Variants in RTN1 observed in about 807,000 individuals in gnomAD.
RTN1 encodes the protein reticulon-1.
In RTN1, 25 loss-of-function variants were observed where a neutral mutation model predicts 65.5. The observed-to-expected ratio is 0.38, with a 90% CI of 0.28 to 0.53. RTN1 has a LOEUF of 0.53. RTN1 is among the 20% of genes least tolerant of loss of function. RTN1 has a pLI of 0.79. For missense variants in RTN1, 983 were observed against 1,025.4 expected, an observed-to-expected ratio of 0.96 and a Z score of 0.57; for synonymous variants, 471 against 447.6, an observed-to-expected ratio of 1.05 and a Z score of -0.66.
chr14:59,803,486 C>T lies in RTN1; in HGVS notation c.242-57005G>A, dbSNP rs1886583083. 6.6e-6 allele frequency among the ~76,000 whole-genome samples: 1 copy of T among 152,134 alleles called. No homozygotes were observed. Among genetic ancestry groups the T allele is most frequent in the African/African-American group, 2.4e-5 (1 of 41,438 alleles). The stretch of plus-strand genomic sequence containing the variant: ...TTCAGGCCACCCAAATCTACTCTGG[C>T]CTGAATTATTCAAGTTAAATACAAC... On this transcript the variant is annotated intron_variant, in intron 1 of 8. Transcript: ENST00000267484. This position sits in a 1 kb window ranked among gnomAD's most constrained non-coding sequence, Gnocchi z 5.6.
chr14:59,685,320 A>T (rs1355688120), intron 3 of RTN1, among the ~76,000 whole-genome samples: 1 of 152,200 alleles, frequency 6.6e-6, no homozygotes, highest in Admixed American at 6.5e-5. Flanking sequence ...GAGCCAGACC[A>T]ATTAGGAAAA....
At chr14:59,787,373 C>T (rs1194264692) in intron 1 of RTN1, among the ~76,000 whole-genome samples, 3 of 152,158 alleles carry the variant, frequency 2.0e-5, no homozygotes, top group Non-Finnish European at 2.9e-5. Flanking sequence ...ACTCTTTTGT[C>T]AAATGGCTGT....
At chr14:59,630,524 C>A (rs1486892344) in intron 3 of RTN1, 1 of 1,613,132 alleles carries the variant, frequency 6.2e-7, no homozygotes, top group Non-Finnish European at 8.5e-7. Flanking sequence ...GCTTTGGGGG[C>A]TCGCCGTGGC....
Position 59,683,414 on chromosome 14 carries a change from G to T in RTN1, c.1765+43505C>A, listed in dbSNP as rs913360971. 3.3e-5 allele frequency among the ~76,000 whole-genome samples: 5 copies of T among 149,462 alleles called. 1 individual carries two copies. Among genetic ancestry groups the T allele is most frequent in the African/African-American group, 1.2e-4 (5 of 40,436 alleles). ...AATTCAGTAGGCATTTAATACTAGG[G>T]TTTCTTTTGGTTTTCATTTAACTTT... On this transcript the variant is annotated intron_variant, in intron 3 of 8. Coordinates refer to ENST00000267484, the MANE Select transcript of RTN1 (RefSeq NM_021136.3).
At chr14:59,749,298 C>A (rs183872354) in intron 1 of RTN1, among the ~76,000 whole-genome samples, 10 of 26,658 alleles carry the variant, frequency 3.8e-4, no homozygotes, top group Admixed American at 1.1e-3. Flanking sequence ...CTATATATAT[C>A]TATATATATC....
intron 3 of RTN1, among the ~76,000 whole-genome samples, chr14:59,681,804 C>A (rs752148660): frequency 1.3e-4 from 20 of 152,156 alleles, no homozygotes; most frequent in Non-Finnish European, 2.6e-4. Flanking sequence ...AAGGATCATC[C>A]CAGATTCCTG....
chr14:59,743,734 C>T (rs1203005305), intron 2 of RTN1, among the ~76,000 whole-genome samples: 2 of 151,840 alleles, frequency 1.3e-5, no homozygotes, highest in Non-Finnish European at 2.9e-5. Context: ...CTTTGTTTCC[C>T]CTGTTCCTCT....
At position 59,774,055 on chromosome 14, in the gene RTN1, G is replaced by A. The variant is rs1886007350; in HGVS notation, c.242-27574C>T. Among the ~76,000 whole-genome samples, 1 of 152,270 alleles carries A rather than the reference G, an allele frequency of 6.6e-6. No individual in the cohort carries two copies. Among genetic ancestry groups the A allele is most frequent in the African/African-American group, 2.4e-5 (1 of 41,560 alleles). ...AAACTGCATCCACGTTTGTGAAATA[G>A]AATGCCAGATTTACAAATTTGGGCA... On this transcript the variant is annotated intron_variant, in intron 1 of 8. Coordinates refer to ENST00000267484, the MANE Select transcript of RTN1 (RefSeq NM_021136.3). The surrounding 1 kb of genome is among the most constrained non-coding windows in gnomAD (Gnocchi z 5.1).
intron 3 of RTN1, among the ~76,000 whole-genome samples, chr14:59,662,002 C>G (rs1277768762): frequency 1.3e-5 from 2 of 152,142 alleles, no homozygotes; most frequent in Non-Finnish European, 2.9e-5. Flanking sequence ...TTAGAAAACC[C>G]CACTGTCTCA....
intron 3 of RTN1, among the ~76,000 whole-genome samples, chr14:59,616,970 A>C (rs1470430726): frequency 6.6e-6 from 1 of 152,232 alleles, no homozygotes; most frequent in African/African-American, 2.4e-5. Flanking sequence ...AATTTGGAGC[A>C]CATTTGTTCC....
chr14:59,622,164 T>G (rs1380174588), intron 3 of RTN1, among the ~76,000 whole-genome samples: 1 of 152,090 alleles, frequency 6.6e-6, no homozygotes, highest in Non-Finnish European at 1.5e-5. Flanking sequence ...GGTGAAACCC[T>G]GTGTCTACTA....
intron 3 of RTN1, among the ~76,000 whole-genome samples, chr14:59,706,623 C>T (rs922104473): frequency 1.3e-5 from 2 of 152,170 alleles, no homozygotes; most frequent in East Asian, 1.9e-4. Flanking sequence ...TGTGTGCACA[C>T]GTGTGAGCAA....
intron 1 of RTN1, among the ~76,000 whole-genome samples, chr14:59,856,676 C>T (rs1887614349): frequency 6.6e-6 from 1 of 152,178 alleles, no homozygotes; most frequent in South Asian, 2.1e-4. Context: ...CCCAATCCTT[C>T]CTTGCTCTCC....
At chr14:59,844,696 T>C (rs866266151) in intron 1 of RTN1, among the ~76,000 whole-genome samples, 5 of 152,174 alleles carry the variant, frequency 3.3e-5, no homozygotes, top group Admixed American at 3.3e-4. Flanking sequence ...CCACAAACTA[T>C]ACACTTAAAA....
chr14:59,792,940 A>G (rs1429111436), intron 1 of RTN1, among the ~76,000 whole-genome samples: 3 of 152,316 alleles, frequency 2.0e-5, no homozygotes, highest in East Asian at 3.9e-4. Flanking sequence ...GAAATGATCT[A>G]TATTACTTCA....
chr14:59,750,253 T>G (rs1381422869), intron 1 of RTN1, among the ~76,000 whole-genome samples: 3 of 67,052 alleles, frequency 4.5e-5, no homozygotes, highest in Non-Finnish European at 4.6e-5. Context: ...ATCTATAATA[T>G]ATAATATATA....
At chr14:59,749,126 A>ATCTATC (rs1386858488) in intron 1 of RTN1, among the ~76,000 whole-genome samples, 1 of 35,688 alleles carries the variant, frequency 2.8e-5, no homozygotes, top group Non-Finnish European at 4.2e-5. Flanking sequence ...ATATATATAG[A>ATCTATC]TATATCTATA....
rs984382950 is a variant in RTN1 at position 59,825,240 on chromosome 14, C to T, written c.241+45150G>A. ...AATGTCTCCAGACATTGACAAATTT[C>T]CCCTGGGAAGAAAAACTGCTTCCCC... On this transcript the variant is annotated intron_variant, in intron 1 of 8. Transcript: ENST00000267484. This position sits in a 1 kb window ranked among gnomAD's most constrained non-coding sequence, Gnocchi z 4.2. 2.0e-5 allele frequency among the ~76,000 whole-genome samples: 3 copies of T among 152,132 alleles called. No homozygotes were observed.
At chr14:59,856,278 A>G (rs1457174288) in intron 1 of RTN1, among the ~76,000 whole-genome samples, 1 of 152,162 alleles carries the variant, frequency 6.6e-6, no homozygotes, top group Non-Finnish European at 1.5e-5. Flanking sequence ...ATGTTTTTAT[A>G]TAAGACTTTA....
Sources: allele counts gnomAD v4.1 joint callset (sites outside exome capture counted in the v4.1 genomes callset), GRCh38; gene constraint gnomAD v4.1.1; non-coding constraint Gnocchi (gnomAD v3.1); transcripts MANE v1.5; gene names NCBI Gene and HGNC (gene_info 2026-07-23, HGNC 2026-07-21).